CDS2: variants seen among roughly 807,000 people sequenced by gnomAD.
CDS2 encodes the protein phosphatidate cytidylyltransferase 2.
CDS2 carries 47 observed loss-of-function variants against 59.0 expected under a neutral mutation model. The ratio of observed to expected loss-of-function variants is 0.80; its 90% CI spans 0.63 to 1.02. CDS2 has a LOEUF of 1.02. CDS2 is among the 50% of genes least tolerant of loss of function. The pLI is 0.00. For missense variants in CDS2, 356 were observed against 558.9 expected (o/e 0.64, Z 3.66); for synonymous variants, 207 against 206.4 (o/e 1.00, Z -0.02).
intron 1 of CDS2, among the ~76,000 whole-genome samples, chr20:5,143,462 G>A (rs1032584107): frequency 1.3e-5 from 2 of 152,138 alleles, no homozygotes; most frequent in African/African-American, 4.8e-5. Context: ...ATCTGTACAT[G>A]TATTCACTGA....
At chr20:5,163,332 G>A (rs2090889054) in intron 1 of CDS2, among the ~76,000 whole-genome samples, 1 of 151,792 alleles carries the variant, frequency 6.6e-6, no homozygotes, top group South Asian at 2.1e-4. Flanking sequence ...CTCCATCTCA[G>A]CTCACCATAA....
chr20:5,190,366 T>C lies in CDS2; in HGVS notation c.*132T>C. 1.1e-6 allele frequency: 1 copy of C among 874,268 alleles called. No homozygotes were observed. Among genetic ancestry groups the C allele is most frequent in the African/African-American group, 1.7e-5 (1 of 58,392 alleles). The allele number at this position is 874,268 out of a possible 1,614,324, so 54.2% of individuals were successfully genotyped here. A position where few individuals can be genotyped will look rare whatever the true frequency, so the allele number is the denominator to read the frequency against. Reference sequence around the variant, plus strand: ...CTTTTTTTTTTTTTTTTGGAGGGTATTTTTTATTTGTGGGTTCAAAAAATC... The same window carrying C: ...CTTTTTTTTTTTTTTTTGGAGGGTACTTTTTATTTGTGGGTTCAAAAAATC... On this transcript the variant is annotated 3_prime_UTR_variant, in exon 13 of 13. Coordinates refer to ENST00000460006, the MANE Select transcript of CDS2 (RefSeq NM_003818.4).
rs931485209 is a variant in CDS2, at chr20:5,196,948, A to G, written c.*6714A>G. ...CAGCTGGAGGACTCCTAGGGGCAGC[A>G]GCAGGAGGAATACCAGGGCCACGGA... On this transcript the variant is annotated 3_prime_UTR_variant, in exon 13 of 13. Coordinates refer to ENST00000460006, the MANE Select transcript of CDS2 (RefSeq NM_003818.4). The G allele has an allele frequency of 2.0e-5, 3 of 152,482 alleles. No homozygotes were observed. Among genetic ancestry groups the G allele is most frequent in the African/African-American group, 7.2e-5 (3 of 41,434 alleles). The allele number at this position is 152,482 out of a possible 1,614,324, so 9.4% of individuals were successfully genotyped here.
At chr20:5,140,548 A>AGC (rs1479761864) in intron 1 of CDS2, among the ~76,000 whole-genome samples, 1 of 152,154 alleles carries the variant, frequency 6.6e-6, no homozygotes, top group Non-Finnish European at 1.5e-5. Context: ...CTGTTTTCTC[A>AGC]CCTGAACAAT....
intron 4 of CDS2, among the ~76,000 whole-genome samples, chr20:5,177,395 G>A (rs1285942129): frequency 6.6e-6 from 1 of 152,114 alleles, no homozygotes; most frequent in Non-Finnish European, 1.5e-5. Context: ...GAGTGGGCAG[G>A]AGTGAGGCTG....
At chr20:5,156,837 G>T (rs1454124380) in intron 1 of CDS2, among the ~76,000 whole-genome samples, 1 of 152,164 alleles carries the variant, frequency 6.6e-6, no homozygotes, top group Non-Finnish European at 1.5e-5. Flanking sequence ...TGGCCAGCAG[G>T]TGAAAGTCCC....
chr20:5,151,630 G>T (rs1297583141), intron 1 of CDS2, among the ~76,000 whole-genome samples: 1 of 151,632 alleles, frequency 6.6e-6, no homozygotes, highest in Non-Finnish European at 1.5e-5. Context: ...GTAGAGGTGG[G>T]GTCTTGCTGT....
At chr20:5,148,994 C>CT (rs905351698) in intron 1 of CDS2, among the ~76,000 whole-genome samples, 2 of 151,412 alleles carry the variant, frequency 1.3e-5, no homozygotes, top group Non-Finnish European at 1.5e-5. Context: ...CTTCTAGGGA[C>CT]TTTTTTTTTC....
rs537878422 is a variant in CDS2, at chr20:5,137,636, G to T, written c.57+10487G>T. Among the ~76,000 whole-genome samples the T allele has an allele frequency of 1.8e-3, 269 of 151,788 alleles. 2 individuals are homozygous for T. Among genetic ancestry groups the T allele is most frequent in the African/African-American group, 6.3e-3 (260 of 41,490 alleles). ...GCATGTATTATTAAAAATTACAGAA[G>T]TAGGTCTCTACAAAAATATTTTTTA... On this transcript the variant is annotated intron_variant, in intron 1 of 12. Transcript: ENST00000460006.
In CDS2 at chr20:5,192,021, A is replaced by C. The variant is rs760806431; in HGVS notation, c.*1787A>C. 2.6e-5 allele frequency: 4 copies of C among 152,076 alleles called. No individual in the cohort carries two copies. The highest frequency in any genetic ancestry group is 5.9e-5 in the Non-Finnish European group (4 of 68,022). The allele number at this position is 152,076 out of a possible 1,614,324, so 9.4% of individuals were successfully genotyped here. On this transcript the variant is annotated 3_prime_UTR_variant, in exon 13 of 13. Coordinates refer to ENST00000460006, the MANE Select transcript of CDS2 (RefSeq NM_003818.4). ...AGGTCCTGGGCACCCCCCAAACAGG[A>C]AGTGTTTTCAGGCCCTTACATGCTT...
intron 1 of CDS2, among the ~76,000 whole-genome samples, chr20:5,136,518 C>T (rs2090651241): frequency 6.6e-6 from 1 of 152,156 alleles, no homozygotes; most frequent in African/African-American, 2.4e-5. Flanking sequence ...GAATTCCTTA[C>T]CTCTCCTGGA....
At chr20:5,176,839 T>A in intron 4 of CDS2, 94 bp downstream of exon 4, 3 of 858,408 alleles carry the variant, frequency 3.5e-6, no homozygotes, top group Admixed American at 1.8e-5. Flanking sequence ...TATCACTTGC[T>A]ATAGAGATAA....
Position 5,190,168 on chromosome 20 carries a change from C to A in CDS2, c.1272C>A (p.Ile424=), listed in dbSNP as rs1466637234. 5.0e-6 allele frequency: 8 copies of A among 1,613,920 alleles called. No homozygotes were observed. In the Admixed American group the frequency reaches 1.3e-4, roughly 27 times the overall value. The change falls in exon 13 of 13, where the codon ATC becomes ATA. Residue 424 remains isoleucine, a synonymous_variant. Transcript: ENST00000460006. The part of the protein sequence containing the change: ...LTLRPDQQLH[I]FNTLRSHLID... The stretch of plus-strand genomic sequence containing the variant: ...TACGGCCAGATCAGCAGCTCCACAT[C>A]TTCAACACGCTGCGGTCTCATCTGA...
At chr20:5,178,070 A>G (rs1023884696) in intron 4 of CDS2, among the ~76,000 whole-genome samples, 2 of 152,206 alleles carry the variant, frequency 1.3e-5, no homozygotes, top group East Asian at 3.8e-4. Context: ...GTTTGCAGTG[A>G]TGGCTGCATG....
In CDS2 at chr20:5,186,767, C is replaced by T. The variant is rs910822914; in HGVS notation, c.909C>T (p.Asp303=). The change falls in exon 10 of 13, where the codon GAC becomes GAT. Residue 303 remains aspartate (D), a synonymous_variant. Coordinates refer to ENST00000460006, the MANE Select transcript of CDS2 (RefSeq NM_003818.4). ...ATGACACCAACAGCTTCACTGTGGACTGTGAGCCCTCGGACCTGTTTCGCC... is the reference window on the plus strand; with the variant it reads ...ATGACACCAACAGCTTCACTGTGGATTGTGAGCCCTCGGACCTGTTTCGCC... ...YNNDTNSFTV[D]CEPSDLFRLQ... 6.2e-7 allele frequency: 1 copy of T among 1,614,058 alleles called. No homozygotes were observed. Among genetic ancestry groups the T allele is most frequent in the African/African-American group, 1.3e-5 (1 of 74,928 alleles).
At chr20:5,174,552 G>A (rs1420870796) in intron 2 of CDS2, among the ~76,000 whole-genome samples, 1 of 151,944 alleles carries the variant, frequency 6.6e-6, no homozygotes, top group East Asian at 1.9e-4. Context: ...GTGAAACCCC[G>A]TCTCTACTAA....
In CDS2 at chr20:5,193,864, A is replaced by C. The variant is rs988565041; in HGVS notation, c.*3630A>C. ...CCTTTTCCTGTTTTAGTAATATCTT[A>C]GGCACTATTGTCTTTTGTCTTCCAG... On this transcript the variant is annotated 3_prime_UTR_variant, in exon 13 of 13. Transcript: ENST00000460006. 1 of 152,206 alleles carries C rather than the reference A, an allele frequency of 6.6e-6. No homozygotes were observed. Among genetic ancestry groups the C allele is most frequent in the Non-Finnish European group, 1.5e-5 (1 of 68,052 alleles). 9.4% of individuals were successfully genotyped at this position (152,206 alleles called of 1,614,324 possible). A position where few individuals can be genotyped will look rare whatever the true frequency, so the allele number is the denominator to read the frequency against.
At chr20:5,165,806 C>G (rs2090909515) in intron 1 of CDS2, among the ~76,000 whole-genome samples, 1 of 152,100 alleles carries the variant, frequency 6.6e-6, no homozygotes, top group South Asian at 2.1e-4. Context: ...GGAAAATTTG[C>G]TGGAAGAGAA....
At chr20:5,168,772 G>T (rs769371238) in intron 1 of CDS2, 17 of 396,760 alleles carry the variant, frequency 4.3e-5, no homozygotes, top group Non-Finnish European at 6.6e-5. Context: ...ACTGAGCTAG[G>T]TCCCTCCCCA....
Sources: allele counts gnomAD v4.1 joint callset (sites outside exome capture counted in the v4.1 genomes callset), GRCh38; gene constraint gnomAD v4.1.1; transcripts MANE v1.5; gene names NCBI Gene and HGNC (gene_info 2026-07-23, HGNC 2026-07-21).